SHANK2: variants seen among roughly 807,000 people sequenced by gnomAD.
The protein encoded by SHANK2 is SH3 and multiple ankyrin repeat domains protein 2.
SHANK2 carries 43 observed loss-of-function variants against 133.7 expected under a neutral mutation model. The observed-to-expected ratio is 0.32, with a 90% CI of 0.25 to 0.41. The LOEUF is 0.41. Ranked by LOEUF, SHANK2 falls within the 10% of genes least tolerant of loss-of-function variation. The probability of loss-of-function intolerance (pLI) is 1.00; values close to 1 mark genes in which losing one functional copy is unlikely to be tolerated. For missense variants in SHANK2, 1,994 were observed against 2,235.8 expected (o/e 0.89, Z 2.18); for synonymous variants, 1,017 against 952.8 (o/e 1.07, Z -1.24).
chr11:71,083,962 G>A (rs1329353437), intron 8 of SHANK2, among the ~76,000 whole-genome samples: 2 of 105,468 alleles, frequency 1.9e-5, no homozygotes, highest in African/African-American at 7.0e-5. Context: ...AGGGTAATTT[G>A]AATAACAACT....
At chr11:71,101,154 A>T (rs1190379737) in intron 6 of SHANK2, among the ~76,000 whole-genome samples, 1 of 152,168 alleles carries the variant, frequency 6.6e-6, no homozygotes, top group Non-Finnish European at 1.5e-5. Context: ...GAAAGTGCAT[A>T]GGGGAAAACT....
intron 10 of SHANK2, among the ~76,000 whole-genome samples, chr11:70,934,651 C>T (rs1950547418): frequency 6.6e-6 from 1 of 152,222 alleles, no homozygotes; most frequent in Admixed American, 6.5e-5. Context: ...AAGGAGGCTC[C>T]TTATTTTATG....
At chr11:71,167,752 GGC>G (rs1953202279) in intron 2 of SHANK2, among the ~76,000 whole-genome samples, 3 of 139,750 alleles carry the variant, frequency 2.1e-5, no homozygotes, top group African/African-American at 8.2e-5. Context: ...GCCGGGCAGA[GGC>G]GTCCCTCACC....
intron 2 of SHANK2, among the ~76,000 whole-genome samples, chr11:71,153,828 G>T (rs1321930870): frequency 3.3e-5 from 5 of 152,138 alleles, no homozygotes; most frequent in African/African-American, 1.2e-4. Flanking sequence ...AAATTAGCCA[G>T]GTGTGGTGGT....
chr11:70,506,433 A>T (rs2059138275), intron 17 of SHANK2, among the ~76,000 whole-genome samples: 1 of 151,974 alleles, frequency 6.6e-6, no homozygotes, highest in South Asian at 2.1e-4. Context: ...TGCTCAGGAG[A>T]GCTCAGAGGA....
intron 10 of SHANK2, among the ~76,000 whole-genome samples, chr11:70,955,186 C>A (rs982406076): frequency 1.3e-5 from 2 of 152,212 alleles, no homozygotes; most frequent in Non-Finnish European, 2.9e-5. Context: ...TCCACCCTTT[C>A]TTTGCTTCTG....
chr11:70,837,565 T>C (rs1294928026), intron 11 of SHANK2, among the ~76,000 whole-genome samples: 1 of 152,198 alleles, frequency 6.6e-6, no homozygotes, highest in African/African-American at 2.4e-5. Flanking sequence ...GAAGTTATGT[T>C]AGTTTTAAGT....
chr11:70,609,588 C>T lies in SHANK2; in HGVS notation c.2061+50240G>A, dbSNP rs570263095. Among the ~76,000 whole-genome samples the T allele has an allele frequency of 4.6e-5, 7 of 152,078 alleles. No homozygotes were observed. In the South Asian group the frequency reaches 6.2e-4, roughly 14 times the overall value. On this transcript the variant is annotated intron_variant, in intron 17 of 25. Transcript: ENST00000601538. ...TCCACTGGTGAATGAACAAACAAAACGTGGCACGTACAAATGATGCGGGAT... is the reference window on the plus strand; with the variant it reads ...TCCACTGGTGAATGAACAAACAAAATGTGGCACGTACAAATGATGCGGGAT...
intron 4 of SHANK2, among the ~76,000 whole-genome samples, chr11:71,114,317 G>A (rs1236802186): frequency 2.0e-5 from 3 of 152,096 alleles, no homozygotes; most frequent in South Asian, 2.1e-4. Context: ...CACCCTGCAC[G>A]GTTACACATG....
chr11:70,666,580 G>GC (rs1944681874), intron 15 of SHANK2, among the ~76,000 whole-genome samples: 1 of 152,148 alleles, frequency 6.6e-6, no homozygotes, highest in Non-Finnish European at 1.5e-5. Flanking sequence ...ACCAGAGTCT[G>GC]CCCTGACCTT....
In SHANK2 at chr11:70,815,147, C is replaced by T. The variant is rs191182823; in HGVS notation, c.1493+5217G>A. ...GTGCACTGGCTCCTACCCTCCCGGA[C>T]CAGCACCTTTAGGAGGATGGGAGAA... On this transcript the variant is annotated intron_variant, in intron 12 of 25. Coordinates refer to ENST00000601538, the MANE Select transcript of SHANK2 (RefSeq NM_012309.5). 8.9e-4 allele frequency among the ~76,000 whole-genome samples: 134 copies of T among 151,308 alleles called. 1 individual carries two copies. The highest frequency in any genetic ancestry group is 3.4e-3 in the Middle Eastern group (1 of 294).
At chr11:71,234,130 G>T (rs1040786133) in intron 1 of SHANK2, among the ~76,000 whole-genome samples, 2 of 138,758 alleles carry the variant, frequency 1.4e-5, no homozygotes, top group Non-Finnish European at 3.0e-5. Context: ...GGCGGATCAT[G>T]AGGTCAGGGA....
intron 17 of SHANK2, among the ~76,000 whole-genome samples, chr11:70,556,190 A>G (rs2059826610): frequency 2.0e-5 from 3 of 152,186 alleles, no homozygotes; most frequent in Admixed American, 1.3e-4. Flanking sequence ...GTGACTCAAT[A>G]CACCTCATTT....
chr11:71,168,645 A>G (rs1404529311), intron 2 of SHANK2, among the ~76,000 whole-genome samples: 1 of 152,206 alleles, frequency 6.6e-6, no homozygotes. Context: ...CAACACAGCG[A>G]AACCCTGTCT....
intron 15 of SHANK2, among the ~76,000 whole-genome samples, chr11:70,674,946 G>A (rs1944880624): frequency 6.6e-6 from 1 of 152,348 alleles, no homozygotes; most frequent in African/African-American, 2.4e-5. Context: ...CATGTACATG[G>A]CATATAACTA....
intron 2 of SHANK2, among the ~76,000 whole-genome samples, chr11:71,167,795 G>A (rs1443791886): frequency 3.7e-4 from 53 of 144,050 alleles, no homozygotes; most frequent in African/African-American, 1.3e-3. Flanking sequence ...CGGGCGGGGG[G>A]CTGATCCCCC....
intron 11 of SHANK2, among the ~76,000 whole-genome samples, chr11:70,852,804 C>G (rs1256173028): frequency 1.3e-5 from 2 of 152,266 alleles, no homozygotes; most frequent in Non-Finnish European, 2.9e-5. Flanking sequence ...GATCATGCCA[C>G]TGCACTCCAG....
chr11:71,167,487 G>C (rs1274352517), intron 2 of SHANK2, among the ~76,000 whole-genome samples: 1 of 142,940 alleles, frequency 7.0e-6, no homozygotes, highest in African/African-American at 2.7e-5. Flanking sequence ...CAGTAGGGGC[G>C]GCCGGGCAGA....
chr11:71,073,561 G>A (rs1951177851), intron 9 of SHANK2, among the ~76,000 whole-genome samples: 2 of 151,876 alleles, frequency 1.3e-5, no homozygotes, highest in South Asian at 4.2e-4. Context: ...TAAACCCCCA[G>A]GGCTCAAGTG....
Sources: gnomAD v4.1 joint callset for allele counts (sites outside exome capture counted in the v4.1 genomes callset) on GRCh38, gnomAD v4.1.1 for gene constraint, MANE v1.5 for transcripts, NCBI Gene and HGNC (gene_info 2026-07-23, HGNC 2026-07-21) for gene names.